ATRNL1: variants seen among roughly 807,000 people sequenced by gnomAD.
The protein encoded by ATRNL1 is attractin-like protein 1.
A neutral mutation model predicts 182.7 loss-of-function variants in ATRNL1; 95 were observed. The observed-to-expected ratio is 0.52, with a 90% CI of 0.44 to 0.62. The LOEUF (loss-of-function observed/expected upper bound fraction) is 0.62, where lower values mean the gene tolerates loss of function less well. Ranked by LOEUF, ATRNL1 falls within the 20% of genes least tolerant of loss-of-function variation. ATRNL1 has a pLI of 0.00. For missense variants in ATRNL1, 1,471 were observed against 1,679.5 expected, an observed-to-expected ratio of 0.88 and a Z score of 2.17; for synonymous variants, 576 against 568.3, an observed-to-expected ratio of 1.01 and a Z score of -0.19.
chr10:115,452,040 A>G (rs1847308590), intron 21 of ATRNL1, among the ~76,000 whole-genome samples: 1 of 152,144 alleles, frequency 6.6e-6, no homozygotes, highest in Admixed American at 6.6e-5. Context: ...TCTCACTTAC[A>G]AGTGGTAGCT....
chr10:115,100,295 CT>C (rs1334890966), intron 1 of ATRNL1, among the ~76,000 whole-genome samples: 1 of 150,858 alleles, frequency 6.6e-6, no homozygotes, highest in Non-Finnish European at 1.5e-5. Flanking sequence ...AAGACCATGT[CT>C]TTAAAAAATA....
chr10:115,853,948 A>G (rs556141063), intron 28 of ATRNL1, among the ~76,000 whole-genome samples: 42 of 152,330 alleles, frequency 2.8e-4, no homozygotes, highest in Non-Finnish European at 5.6e-4. Context: ...CCTTGTATCC[A>G]AAATACAGTT....
chr10:115,147,903 C>A (rs1743538142), intron 5 of ATRNL1, among the ~76,000 whole-genome samples: 1 of 152,120 alleles, frequency 6.6e-6, no homozygotes, highest in South Asian at 2.1e-4. Context: ...GTGATACCTT[C>A]AGCCTTATTC....
intron 9 of ATRNL1, among the ~76,000 whole-genome samples, chr10:115,235,589 A>C (rs1850148249): frequency 6.6e-6 from 1 of 152,118 alleles, no homozygotes; most frequent in Non-Finnish European, 1.5e-5. Context: ...TTATGACTGA[A>C]TAATATTCCA....
intron 10 of ATRNL1, among the ~76,000 whole-genome samples, chr10:115,253,335 T>A (rs1850962628): frequency 6.6e-6 from 1 of 152,170 alleles, no homozygotes; most frequent in South Asian, 2.1e-4. Context: ...CATTGATCAG[T>A]CATTCAATAT....
chr10:115,886,960 GTTTACCCTTCATTT>G (rs1371753388), intron 28 of ATRNL1, among the ~76,000 whole-genome samples: 1 of 152,056 alleles, frequency 6.6e-6, no homozygotes, highest in Non-Finnish European at 1.5e-5. Flanking sequence ...TCTCCCTTTA[GTTTACCCTTCATTT>G]TTAATACTTT....
chr10:115,381,706 A>G (rs1554951182), intron 19 of ATRNL1, among the ~76,000 whole-genome samples: 1 of 152,030 alleles, frequency 6.6e-6, no homozygotes, highest in East Asian at 1.9e-4. Flanking sequence ...CAATATTTTT[A>G]AAGACTGATC....
intron 8 of ATRNL1, among the ~76,000 whole-genome samples, chr10:115,203,491 A>G (rs1848673313): frequency 6.6e-6 from 1 of 152,076 alleles, no homozygotes; most frequent in Admixed American, 6.6e-5. Flanking sequence ...GGTACATGAT[A>G]AAGTACAAAA....
chr10:115,419,924 A>G (rs1554961629), intron 20 of ATRNL1, among the ~76,000 whole-genome samples: 1 of 152,224 alleles, frequency 6.6e-6, no homozygotes, highest in East Asian at 1.9e-4. Flanking sequence ...AATGGACCTA[A>G]CAGACATTTA....
At chr10:115,357,724 T>C (rs1458468241) in intron 19 of ATRNL1, among the ~76,000 whole-genome samples, 1 of 151,680 alleles carries the variant, frequency 6.6e-6, no homozygotes, top group East Asian at 1.9e-4. Context: ...GTTTTTAGGC[T>C]TTAAAGGAAG....
intron 26 of ATRNL1, among the ~76,000 whole-genome samples, chr10:115,693,749 C>A (rs1946466191): frequency 6.6e-6 from 1 of 151,926 alleles, no homozygotes; most frequent in Non-Finnish European, 1.5e-5. Context: ...ATTTGTGTAT[C>A]TAAATATAAA....
chr10:115,324,620 C>T (rs1854774275), intron 18 of ATRNL1, among the ~76,000 whole-genome samples: 2 of 152,100 alleles, frequency 1.3e-5, no homozygotes, highest in South Asian at 4.1e-4. Flanking sequence ...CTTTAAGTTC[C>T]CACAAGTTAT....
chr10:115,863,286 TG>T (rs561699057), intron 28 of ATRNL1, among the ~76,000 whole-genome samples: 73 of 152,232 alleles, frequency 4.8e-4, no homozygotes, highest in Middle Eastern at 3.4e-3. Flanking sequence ...ATAACTATGC[TG>T]GGGGTATAGG....
chr10:115,282,651 A>T (rs1475040945), intron 14 of ATRNL1, among the ~76,000 whole-genome samples: 1 of 152,170 alleles, frequency 6.6e-6, no homozygotes, highest in Non-Finnish European at 1.5e-5. Context: ...GCATTTAACC[A>T]GTTCTGCTTG....
intron 26 of ATRNL1, among the ~76,000 whole-genome samples, chr10:115,625,784 A>G (rs1314310467): frequency 2.6e-5 from 4 of 152,164 alleles, no homozygotes; most frequent in Non-Finnish European, 5.9e-5. Context: ...GCCAAGGCGC[A>G]TAGGAATGAC....
chr10:115,623,046 A>G (rs1555023566), intron 26 of ATRNL1, among the ~76,000 whole-genome samples: 1 of 152,204 alleles, frequency 6.6e-6, no homozygotes. Flanking sequence ...GCATAGCGTC[A>G]TTGTATTTTT....
intron 15 of ATRNL1, among the ~76,000 whole-genome samples, chr10:115,287,668 T>C (rs542938371): frequency 2.6e-5 from 4 of 152,214 alleles, no homozygotes; most frequent in Non-Finnish European, 5.9e-5. Flanking sequence ...AATTAGCATA[T>C]CCATTATGTC....
intron 8 of ATRNL1, among the ~76,000 whole-genome samples, chr10:115,196,626 GTGT>G (rs1451165796): frequency 4.6e-5 from 7 of 151,996 alleles, no homozygotes; most frequent in Non-Finnish European, 7.4e-5. Context: ...CAATATACTG[GTGT>G]TGTACATAGT....
chr10:115,640,108 C>T (rs1555029758), intron 26 of ATRNL1, among the ~76,000 whole-genome samples: 2 of 152,120 alleles, frequency 1.3e-5, no homozygotes, highest in Non-Finnish European at 2.9e-5. Flanking sequence ...AGGACATGAA[C>T]TCATTCATTT....
Sources: gnomAD v4.1 joint callset for allele counts (sites outside exome capture counted in the v4.1 genomes callset) on GRCh38, gnomAD v4.1.1 for gene constraint, MANE v1.5 for transcripts, NCBI Gene and HGNC (gene_info 2026-07-23, HGNC 2026-07-21) for gene names.